EML4: variants seen among roughly 807,000 people sequenced by gnomAD.
EML4 encodes EMAP like 4.
In EML4, 72 loss-of-function variants were observed where a neutral mutation model predicts 129.0. The ratio of observed to expected loss-of-function variants is 0.56; its 90% confidence interval spans 0.46 to 0.68. The LOEUF is 0.68. Among genes scored for constraint, EML4 ranks in the 30% least tolerant of loss-of-function variants. EML4 has a pLI of 0.00. For synonymous variants in EML4, 532 were observed against 405.0 expected (o/e 1.31, Z -3.77); for missense variants, 1,363 against 1,190.6 (o/e 1.14, Z -2.13).
intron 1 of EML4, among the ~76,000 whole-genome samples, chr2:42,177,570 C>T (rs1044016386): frequency 2.0e-5 from 3 of 152,070 alleles, no homozygotes; most frequent in Admixed American, 6.6e-5. Flanking sequence ...TTGCAGTGAG[C>T]GCAGATCACA....
intron 1 of EML4, 179 bp downstream of exon 1, chr2:42,169,815 C>T (rs367949648): frequency 5.0e-5 from 30 of 600,566 alleles, no homozygotes; most frequent in African/African-American, 3.5e-4. Flanking sequence ...GCCCCTCCCC[C>T]ATGTCCAACT....
intron 1 of EML4, among the ~76,000 whole-genome samples, chr2:42,193,244 T>G (rs1189887275): frequency 2.0e-5 from 3 of 152,240 alleles, no homozygotes; most frequent in African/African-American, 7.2e-5. Context: ...AGCCTAGGTC[T>G]GTAGTAGGCT....
intron 1 of EML4, among the ~76,000 whole-genome samples, chr2:42,209,668 G>T (rs745582105): frequency 6.6e-6 from 1 of 152,124 alleles, no homozygotes; most frequent in African/African-American, 2.4e-5. Context: ...GGTGGCTCAC[G>T]CCTGCAATCC....
At chr2:42,211,577 T>C (rs546529701) in intron 1 of EML4, among the ~76,000 whole-genome samples, 51 of 152,230 alleles carry the variant, frequency 3.4e-4, no homozygotes, top group Non-Finnish European at 5.1e-4. Context: ...TCATTTCTAA[T>C]TATGAAAGGA....
Position 42,169,449 on chromosome 2 carries a change from TTAC to T in EML4, c.-159_-157del. ...GGGAAGTGGTTCGGGCGGCCGCGGC[TTAC>T]TACCCCAGGGCGAACGGACGGACGA... On this transcript the variant is annotated 5_prime_UTR_variant, in exon 1 of 23. Transcript: ENST00000318522. The T allele has an allele frequency of 1.4e-6, 1 of 701,138 alleles. No homozygotes were observed. The allele number at this position is 701,138 out of a possible 1,614,324, so 43.4% of individuals were successfully genotyped here. A position where few individuals can be genotyped will look rare whatever the true frequency, so the allele number is the denominator to read the frequency against.
In EML4 at chr2:42,303,153, A is replaced by T; in HGVS notation, c.1691A>T (p.Asp564Val). ...AGAGCTGTAGCAGAAGGAAAGGCAG[A>T]TCAATTTTTAGTAGGCACATCACGA... is the stretch of plus-strand genomic sequence containing the variant. ...TIRAVAEGKA[D>V]QFLVGTSRNF... Residue 564 changes from aspartate to valine, a missense_variant, in exon 15 of 23, where the codon GAT becomes GTT. Transcript: ENST00000318522. 1 of 1,614,178 alleles carries T rather than the reference A, an allele frequency of 6.2e-7. No individual in the cohort carries two copies. The highest frequency in any genetic ancestry group is 1.3e-5 in the African/African-American group (1 of 75,056).
intron 1 of EML4, among the ~76,000 whole-genome samples, chr2:42,239,007 AATC>A (rs1674856469): frequency 1.3e-5 from 2 of 152,164 alleles, no homozygotes; most frequent in African/African-American, 4.8e-5. Flanking sequence ...CGGCTCACGC[AATC>A]ATCCTGCCTC....
chr2:42,205,106 G>GA (rs1672467910), intron 1 of EML4, among the ~76,000 whole-genome samples: 1 of 152,086 alleles, frequency 6.6e-6, no homozygotes, highest in Non-Finnish European at 1.5e-5. Flanking sequence ...TTTATTAAGA[G>GA]AAAAATTTAT....
At chr2:42,295,559 A>G (rs751319522) in intron 13 of EML4, 43 bp downstream of exon 13, 5 of 1,577,012 alleles carry the variant, frequency 3.2e-6, no homozygotes, top group South Asian at 2.3e-5. Flanking sequence ...TAATTCTCAC[A>G]TAGTACTCTT....
At chr2:42,178,426 C>T (rs768489743) in intron 1 of EML4, among the ~76,000 whole-genome samples, 1 of 151,596 alleles carries the variant, frequency 6.6e-6, no homozygotes, top group Non-Finnish European at 1.5e-5. Context: ...GTGGTGCATG[C>T]CCAGCTCCTT....
intron 1 of EML4, among the ~76,000 whole-genome samples, chr2:42,221,925 A>G (rs1350527679): frequency 6.6e-6 from 1 of 151,898 alleles, no homozygotes; most frequent in Non-Finnish European, 1.5e-5. Context: ...TTGTAGAGAC[A>G]GTGTTTCATC....
At chr2:42,202,650 C>T (rs144718674) in intron 1 of EML4, among the ~76,000 whole-genome samples, 2 of 152,150 alleles carry the variant, frequency 1.3e-5, no homozygotes, top group Non-Finnish European at 2.9e-5. Context: ...CAGAAGACTA[C>T]ATCAGTCTAG....
chr2:42,305,678 G>T (rs141018631), intron 17 of EML4, among the ~76,000 whole-genome samples: 12 of 152,254 alleles, frequency 7.9e-5, no homozygotes, highest in African/African-American at 2.9e-4. Flanking sequence ...CTGCTAGTAA[G>T]TAGTCCTTCT....
At chr2:42,182,623 G>T (rs1671014806) in intron 1 of EML4, among the ~76,000 whole-genome samples, 1 of 152,110 alleles carries the variant, frequency 6.6e-6, no homozygotes, top group Non-Finnish European at 1.5e-5. Flanking sequence ...TAATGAAAAA[G>T]TGGAAAACTA....
Position 42,332,211 on chromosome 2 carries a change from T to C in EML4, c.*2004T>C. On this transcript the variant is annotated 3_prime_UTR_variant, in exon 23 of 23. Transcript: ENST00000318522. ...TCTCAGTGATCAGCAGGGAGTTTAT[T>C]TGAGGACATCAGTCACCTTTGGGGT... The C allele has an allele frequency of 4.6e-6, 1 of 218,258 alleles. No individual in the cohort carries two copies. The highest frequency in any genetic ancestry group is 9.2e-6 in the Non-Finnish European group (1 of 108,446). The allele number at this position is 218,258 out of a possible 1,614,324, so 13.5% of individuals were successfully genotyped here. A position where few individuals can be genotyped will look rare whatever the true frequency, so the allele number is the denominator to read the frequency against.
At chr2:42,249,968 C>A (rs1426900582) in intron 2 of EML4, among the ~76,000 whole-genome samples, 2 of 152,112 alleles carry the variant, frequency 1.3e-5, no homozygotes, top group Admixed American at 1.3e-4. Flanking sequence ...AGGGAAGGCC[C>A]AGAGAACACT....
chr2:42,307,984 A>G (rs898004680), intron 17 of EML4, among the ~76,000 whole-genome samples: 1 of 152,212 alleles, frequency 6.6e-6, no homozygotes, highest in Admixed American at 6.5e-5. Flanking sequence ...AATGCAACAC[A>G]TGTCCAAGTT....
In EML4 at chr2:42,330,261, A is replaced by C. The variant is rs1572772846; in HGVS notation, c.*54A>C. 6.6e-7 allele frequency: 1 copy of C among 1,519,660 alleles called. No homozygotes were observed. Among genetic ancestry groups the C allele is most frequent in the Non-Finnish European group, 9.1e-7 (1 of 1,099,288 alleles). The allele number at this position is 1,519,660 out of a possible 1,614,324, so 94.1% of individuals were successfully genotyped here. ...TTCAGCTGCATGTGATTTTGTGATA[A>C]AGTTCAGGTAACAGGATGGGCAGTG... On this transcript the variant is annotated 3_prime_UTR_variant, in exon 23 of 23. Transcript: ENST00000318522.
At chr2:42,210,125 C>T (rs1672803233) in intron 1 of EML4, among the ~76,000 whole-genome samples, 2 of 152,044 alleles carry the variant, frequency 1.3e-5, no homozygotes, top group Admixed American at 1.3e-4. Flanking sequence ...TAACTAAAAT[C>T]CATAGTTTAT....
Sources: allele counts gnomAD v4.1 joint callset (sites outside exome capture counted in the v4.1 genomes callset), GRCh38; gene constraint gnomAD v4.1.1; transcripts MANE v1.5; gene names NCBI Gene and HGNC (gene_info 2026-07-23, HGNC 2026-07-21).